The following KAZALD1 variants were observed in gnomAD, a reference collection of about 807,000 sequenced individuals.
The protein encoded by KAZALD1 is kazal-type serine protease inhibitor domain-containing protein 1.
KAZALD1 carries 31 observed loss-of-function variants against 27.7 expected under a neutral mutation model. The ratio of observed to expected loss-of-function variants is 1.12; its 90% CI spans 0.84 to 1.51. The LOEUF is 1.51. Among genes scored for constraint, KAZALD1 ranks in the 40% most tolerant of loss-of-function variants. The pLI is 0.00. For synonymous variants in KAZALD1, 179 were observed against 182.0 expected, an observed-to-expected ratio of 0.98 and a Z score of 0.13; for missense variants, 444 against 408.9, an observed-to-expected ratio of 1.09 and a Z score of -0.74.
At position 101,064,329 on chromosome 10, in the gene KAZALD1, G is replaced by C. The variant is rs754280490; in HGVS notation, c.580G>C (p.Glu194Gln). The C allele has an allele frequency of 6.2e-7, 1 of 1,614,240 alleles. No homozygotes were observed. The highest frequency in any genetic ancestry group is 1.1e-5 in the South Asian group (1 of 91,090). ...AGGGCAGGATGTGATCTTTGGCTGTGAAGTGTTTGCCTACCCCATGGCCTC... is the reference window on the plus strand; with the variant it reads ...AGGGCAGGATGTGATCTTTGGCTGTCAAGTGTTTGCCTACCCCATGGCCTC... ...VTGQDVIFGC[E>Q]VFAYPMASIE... The change falls in exon 3 of 5, where the codon GAA (glutamate) becomes CAA (glutamine). Residue 194 changes from glutamate to glutamine, a missense_variant. Glu to Gln is a conservative substitution (Grantham distance 29, BLOSUM62 2). Coordinates refer to ENST00000370200, the MANE Select transcript of KAZALD1 (RefSeq NM_030929.5).
At chr10:101,067,345 T>A, downstream of KAZALD1, 1 of 456,236 alleles carries the variant, frequency 2.2e-6, no homozygotes. Flanking sequence ...ATTTCCCACC[T>A]CCAAGATTTT....
At position 101,066,478 on chromosome 10, in the gene KAZALD1, C is replaced by G. The variant is rs1475561507; in HGVS notation, c.*1558C>G. On this transcript the variant is annotated 3_prime_UTR_variant, in exon 5 of 5. Transcript: ENST00000370200. ...TGGAAGCGGGCGGCCCTAGGAGCCG[C>G]GCACAACAGCGCAAGCGGGCTGGAT... 1 of 456,536 alleles carries G rather than the reference C, an allele frequency of 2.2e-6. No homozygotes were observed. The highest frequency in any genetic ancestry group is 4.4e-6 in the Non-Finnish European group (1 of 226,868). 28.3% of individuals were successfully genotyped at this position (456,536 alleles called of 1,614,324 possible). A position where few individuals can be genotyped will look rare whatever the true frequency, so the allele number is the denominator to read the frequency against.
In KAZALD1 at chr10:101,065,758, A is replaced by AGGCT. The variant is rs757020894; in HGVS notation, c.*841_*844dup. Among the ~76,000 whole-genome samples, 11 of 152,220 alleles carry AGGCT rather than the reference A, an allele frequency of 7.2e-5. No homozygotes were observed. Among genetic ancestry groups the AGGCT allele is most frequent in the Non-Finnish European group, 1.5e-4 (10 of 68,032 alleles). ...GGCCTATCCCGCCTTTGAGGGAGGG[A>AGGCT]GGCTGGAGCCATATGGCTGGAGGGA... is the stretch of plus-strand genomic sequence containing the variant. On this transcript the variant is annotated 3_prime_UTR_variant, in exon 5 of 5. Coordinates refer to ENST00000370200, the MANE Select transcript of KAZALD1 (RefSeq NM_030929.5).
In KAZALD1 at chr10:101,062,989, C is replaced by G. The variant is rs761375265; in HGVS notation, c.397C>G (p.Pro133Ala). Residue 133 changes from proline to alanine, a missense_variant, in exon 2 of 5, where the codon CCG becomes GCG. By Grantham distance (27) the Pro-to-Ala change is conservative (BLOSUM62 -1). Transcript: ENST00000370200. ...TCTGTGTGCCTGTCGTTCGCAGAGTCCGCTCTGCGGGTCCGACGGTCACAC... is the reference window on the plus strand; with the variant it reads ...TCTGTGTGCCTGTCGTTCGCAGAGTGCGCTCTGCGGGTCCGACGGTCACAC... ...EPLCACRSQS[P>A]LCGSDGHTYS... 5.0e-6 allele frequency: 8 copies of G among 1,601,176 alleles called. No homozygotes were observed. The East Asian group carries it at 1.6e-4, about 31-fold the overall frequency.
chr10:101,063,148 G>A (rs757267030), intron 2 of KAZALD1, 45 bp downstream of exon 2: 1 of 1,460,690 alleles, frequency 6.8e-7, no homozygotes, highest in Non-Finnish European at 9.1e-7. Context: ...AGGTTTCCTA[G>A]AGGCACTGCT....
At chr10:101,067,930 G>T (rs2134249701), downstream of KAZALD1, 1 of 471,588 alleles carries the variant, frequency 2.1e-6, no homozygotes, top group East Asian at 6.9e-5. Flanking sequence ...TGGCGTGCGG[G>T]GAAGCGCCTG....
At position 101,066,044 on chromosome 10, in the gene KAZALD1, A is replaced by G. The variant is rs1164542796; in HGVS notation, c.*1124A>G. Among the ~76,000 whole-genome samples the G allele has an allele frequency of 2.6e-5, 4 of 152,196 alleles. No individual in the cohort carries two copies. The highest frequency in any genetic ancestry group is 2.1e-4 in the South Asian group (1 of 4,838). ...GTAAGGCTGTTTCCTATCTGCCCCA[A>G]TTGTGACCTGTCCTCTCTGGCTTGG... On this transcript the variant is annotated 3_prime_UTR_variant, in exon 5 of 5. Transcript: ENST00000370200.
chr10:101,067,092 C>G (rs1228494512), downstream of KAZALD1: 5 of 348,966 alleles, frequency 1.4e-5, no homozygotes, highest in Non-Finnish European at 2.9e-5. Flanking sequence ...AGAGCGCGGG[C>G]GGCGTTTTAA....
In KAZALD1 at chr10:101,062,775, C is replaced by A; in HGVS notation, c.183C>A (p.Cys61Ter). The A allele has an allele frequency of 1.3e-6, 2 of 1,551,072 alleles. No individual in the cohort carries two copies. Among genetic ancestry groups the A allele is most frequent in the Non-Finnish European group, 1.7e-6 (2 of 1,157,994 alleles). Residue 61 changes from cysteine to a stop codon, truncating the protein, a stop_gained, in exon 2 of 5, where the codon TGC becomes TGA. Transcript: ENST00000370200. LOFTEE classifies it high-confidence loss of function. ...GCGCTCCCTGCCGGCCAGAAGAGTG[C>A]GCCGCGCCGCGGGGCTGCCTGGCGG... The part of the protein sequence containing the change: ...EGCAPCRPEE[C>*]AAPRGCLAGR...
Position 101,064,074 on chromosome 10 carries a change from T to C in KAZALD1, c.512-187T>C, listed in dbSNP as rs114113252. 928 of 632,278 alleles carry C rather than the reference T, an allele frequency of 1.5e-3. 6 individuals are homozygous for C. Among genetic ancestry groups the C allele is most frequent in the African/African-American group, 0.015 (803 of 54,734 alleles). 39.2% of individuals were successfully genotyped at this position (632,278 alleles called of 1,614,324 possible). On this transcript the variant is annotated intron_variant, in intron 2 of 4. Transcript: ENST00000370200. The stretch of plus-strand genomic sequence containing the variant: ...TCTCCACGTCTGCGTGGTACCCTTG[T>C]GTGTACCAGCATCCATATCTGTGTG...
Position 101,062,768 on chromosome 10 carries a change from A to G in KAZALD1, c.176A>G (p.Glu59Gly), listed in dbSNP as rs751291428. ...EGEGCAPCRP[E>G]ECAAPRGCLA... The stretch of plus-strand genomic sequence containing the variant: ...GAGGGCTGCGCTCCCTGCCGGCCAG[A>G]AGAGTGCGCCGCGCCGCGGGGCTGC... Residue 59 changes from glutamate (E) to glycine (G), a missense_variant, in exon 2 of 5, where the codon GAA becomes GGA. Coordinates refer to ENST00000370200, the MANE Select transcript of KAZALD1 (RefSeq NM_030929.5). The G allele has an allele frequency of 6.4e-7, 1 of 1,553,630 alleles. No homozygotes were observed. The highest frequency in any genetic ancestry group is 8.6e-7 in the Non-Finnish European group (1 of 1,159,638).
chr10:101,064,054 A>T (rs1939244684), intron 2 of KAZALD1, among the ~76,000 whole-genome samples: 1 of 152,168 alleles, frequency 6.6e-6, no homozygotes, highest in Non-Finnish European at 1.5e-5. Flanking sequence ...ACCTATCTCC[A>T]CGTCTGCGTG....
At chr10:101,063,177 T>A in intron 2 of KAZALD1, 74 bp downstream of exon 2, 3 of 1,318,002 alleles carry the variant, frequency 2.3e-6, no homozygotes, top group Non-Finnish European at 3.0e-6. Context: ...CCTGACAGCA[T>A]TGGTCTCTGG....
chr10:101,066,915 C>G lies in KAZALD1; in HGVS notation c.*1995C>G. The G allele has an allele frequency of 3.1e-6, 1 of 318,642 alleles. No individual in the cohort carries two copies. The highest frequency in any genetic ancestry group is 9.2e-5 in the East Asian group (1 of 10,858). 19.7% of individuals were successfully genotyped at this position (318,642 alleles called of 1,614,324 possible). A position where few individuals can be genotyped will look rare whatever the true frequency, so the allele number is the denominator to read the frequency against. ...CAGCCTGGAATGGGAGAACTGTTGT[C>G]CACCGCCCCCTCCCTCCCCGCACCC... On this transcript the variant is annotated 3_prime_UTR_variant, in exon 5 of 5. Coordinates refer to ENST00000370200, the MANE Select transcript of KAZALD1 (RefSeq NM_030929.5).
downstream of KAZALD1, chr10:101,067,594 C>G (rs1423425530): frequency 1.5e-5 from 5 of 338,578 alleles, no homozygotes; most frequent in Admixed American, 8.4e-5. Flanking sequence ...CTGAAAATGA[C>G]CCTGACCCCC....
chr10:101,066,577 C>G lies in KAZALD1; in HGVS notation c.*1657C>G. ...GGCGGGGGTGGGGCGTGCTGTTCGGCGCTGTGGCCAAAATCCGCCCGGCGC... is the reference window on the plus strand; with the variant it reads ...GGCGGGGGTGGGGCGTGCTGTTCGGGGCTGTGGCCAAAATCCGCCCGGCGC... On this transcript the variant is annotated 3_prime_UTR_variant, in exon 5 of 5. Transcript: ENST00000370200. The G allele has an allele frequency of 2.3e-6, 1 of 436,694 alleles. No homozygotes were observed. Among genetic ancestry groups the G allele is most frequent in the Admixed American group, 2.4e-5 (1 of 41,404 alleles). The allele number at this position is 436,694 out of a possible 1,614,324, so 27.1% of individuals were successfully genotyped here.
At chr10:101,062,285 G>A (rs1274700513) in intron 1 of KAZALD1, among the ~76,000 whole-genome samples, 170 bp downstream of exon 1, 1 of 152,176 alleles carries the variant, frequency 6.6e-6, no homozygotes, top group Non-Finnish European at 1.5e-5. Flanking sequence ...GGTGGTGGGT[G>A]TGCGTGCGCC....
chr10:101,062,582 T>C lies in KAZALD1; in HGVS notation c.-11T>C. 8 of 1,583,736 alleles carry C rather than the reference T, an allele frequency of 5.1e-6. No homozygotes were observed. The highest frequency in any genetic ancestry group is 6.8e-6 in the Non-Finnish European group (8 of 1,174,276). ...TGATGCCCCGAGTGCTCGCAGGGCT[T>C]CCCGCTAACCATGCTGCCGCCGCCG... is the stretch of plus-strand genomic sequence containing the variant. On this transcript the variant is annotated 5_prime_UTR_variant, in exon 2 of 5. Coordinates refer to ENST00000370200, the MANE Select transcript of KAZALD1 (RefSeq NM_030929.5).
chr10:101,063,992 C>T (rs1939243317), intron 2 of KAZALD1, among the ~76,000 whole-genome samples: 1 of 152,178 alleles, frequency 6.6e-6, no homozygotes, highest in African/African-American at 2.4e-5. Context: ...GATGTGTGTG[C>T]TTGTTTGTGC....
Sources: allele counts gnomAD v4.1 joint callset (sites outside exome capture counted in the v4.1 genomes callset), GRCh38; gene constraint gnomAD v4.1.1; transcripts MANE v1.5; gene names NCBI Gene and HGNC (gene_info 2026-07-23, HGNC 2026-07-21).